Variants in DCC observed in about 807,000 individuals in gnomAD.
DCC encodes the protein netrin receptor DCC.
Under a neutral mutation model 172.5 loss-of-function variants are expected in DCC, and 58 were observed. The observed-to-expected ratio is 0.34, with a 90% confidence interval of 0.27 to 0.42. DCC has a LOEUF of 0.42. Among genes scored for constraint, DCC ranks in the 10% least tolerant of loss-of-function variants. The pLI, the probability that DCC is intolerant of heterozygous loss-of-function variation, is 1.00. For missense variants in DCC, 1,740 were observed against 1,791.0 expected (o/e 0.97, Z 0.51); for synonymous variants, 709 against 644.5 (o/e 1.10, Z -1.52).
intron 27 of DCC, among the ~76,000 whole-genome samples, chr18:53,509,795 A>ATGTC (rs200178948): frequency 0.014 from 2,062 of 152,292 alleles, 37 homozygotes; most frequent in Non-Finnish European, 0.021. Context: ...ACATAAACCA[A>ATGTC]TGTCTGTTTT....
intron 5 of DCC, among the ~76,000 whole-genome samples, chr18:53,050,088 G>A (rs982444675): frequency 6.6e-6 from 1 of 152,082 alleles, no homozygotes; most frequent in African/African-American, 2.4e-5. Flanking sequence ...TCAAGGGCAG[G>A]AAGCATCCAG....
chr18:52,748,514 G>T (rs4452042), intron 1 of DCC, among the ~76,000 whole-genome samples: 107,268 of 152,054 alleles, frequency 0.71, 40,435 homozygotes, highest in East Asian at 0.89. Flanking sequence ...CGGCTCCTTT[G>T]TGTTACAGCT....
At chr18:52,523,727 A>T (rs1219221330) in intron 1 of DCC, among the ~76,000 whole-genome samples, 1 of 152,234 alleles carries the variant, frequency 6.6e-6, no homozygotes, top group African/African-American at 2.4e-5. Flanking sequence ...ATGCATTAAC[A>T]TATGTTCATG....
chr18:53,179,393 C>T (rs550164189), intron 9 of DCC, among the ~76,000 whole-genome samples: 1 of 152,294 alleles, frequency 6.6e-6, no homozygotes, highest in East Asian at 1.9e-4. Flanking sequence ...GTGATTTACT[C>T]TTCCTGACAG....
chr18:52,847,003 G>A (rs1005684379), intron 2 of DCC, among the ~76,000 whole-genome samples: 1 of 152,102 alleles, frequency 6.6e-6, no homozygotes, highest in African/African-American at 2.4e-5. Context: ...TTATGTTGTG[G>A]AGTCCTGACC....
chr18:52,486,943 C>T (rs897744302), intron 1 of DCC, among the ~76,000 whole-genome samples: 5 of 152,032 alleles, frequency 3.3e-5, no homozygotes, highest in Non-Finnish European at 7.4e-5. Context: ...CTGTAGGGAA[C>T]AAGAAAAACT....
At chr18:53,479,369 T>C (rs1335291997) in intron 25 of DCC, among the ~76,000 whole-genome samples, 1 of 152,214 alleles carries the variant, frequency 6.6e-6, no homozygotes, top group Non-Finnish European at 1.5e-5. Context: ...TTATGCATTA[T>C]GCAATGTTTT....
intron 9 of DCC, among the ~76,000 whole-genome samples, chr18:53,201,498 A>G (rs533809926): frequency 6.6e-6 from 1 of 152,310 alleles, no homozygotes; most frequent in South Asian, 2.1e-4. Flanking sequence ...TAGAGGAATA[A>G]TAGGTTCAGA....
chr18:53,228,202 A>C (rs190278567), intron 12 of DCC, among the ~76,000 whole-genome samples: 1 of 152,270 alleles, frequency 6.6e-6, no homozygotes, highest in East Asian at 1.9e-4. Flanking sequence ...CAATACAGAT[A>C]ATTCCCTTGA....
At chr18:53,502,840 C>CTT (rs57011876) in intron 27 of DCC, among the ~76,000 whole-genome samples, 5 of 148,828 alleles carry the variant, frequency 3.4e-5, no homozygotes, top group African/African-American at 1.2e-4. Flanking sequence ...TGTGAATTTG[C>CTT]TTTTTTTTTT....
At chr18:53,267,640 A>AT (rs1455067809) in intron 12 of DCC, among the ~76,000 whole-genome samples, 8 of 152,024 alleles carry the variant, frequency 5.3e-5, no homozygotes, top group African/African-American at 1.9e-4. Context: ...TTTTAGTTTT[A>AT]TTTTTTGTAC....
intron 26 of DCC, among the ~76,000 whole-genome samples, chr18:53,495,203 C>T (rs1568167565): frequency 1.3e-5 from 2 of 151,970 alleles, no homozygotes; most frequent in African/African-American, 4.8e-5. Flanking sequence ...ACCAGCCTGA[C>T]CAAGATGGTG....
At chr18:52,548,925 A>C (rs1027854001) in intron 1 of DCC, among the ~76,000 whole-genome samples, 1 of 152,156 alleles carries the variant, frequency 6.6e-6, no homozygotes. Flanking sequence ...TTTGTGAAAC[A>C]TTCTTCACAG....
At chr18:52,609,646 G>A (rs182267349) in intron 1 of DCC, among the ~76,000 whole-genome samples, 2 of 151,768 alleles carry the variant, frequency 1.3e-5, no homozygotes, top group Non-Finnish European at 2.9e-5. Context: ...ATTACCTCCA[G>A]CACAACTTTG....
intron 24 of DCC, among the ~76,000 whole-genome samples, chr18:53,461,041 A>G (rs1428310277): frequency 2.6e-5 from 4 of 152,132 alleles, no homozygotes; most frequent in Admixed American, 1.3e-4. Flanking sequence ...GTGATGGTGA[A>G]CATTTTTTCA....
intron 7 of DCC, among the ~76,000 whole-genome samples, chr18:53,067,508 C>A (rs2042590330): frequency 6.6e-6 from 1 of 152,046 alleles, no homozygotes; most frequent in South Asian, 2.1e-4. Context: ...GGCAACAGAG[C>A]AAGACTCTGT....
intron 7 of DCC, among the ~76,000 whole-genome samples, chr18:53,111,985 G>A (rs1036157573): frequency 5.3e-5 from 8 of 151,496 alleles, no homozygotes; most frequent in African/African-American, 1.9e-4. Flanking sequence ...CCATTTCATC[G>A]TGGCCTGAAT....
chr18:52,461,968 TG>T (rs1988644173), intron 1 of DCC, among the ~76,000 whole-genome samples: 1 of 152,190 alleles, frequency 6.6e-6, no homozygotes. Flanking sequence ...TTCTCTGAGT[TG>T]GAGGAAACTC....
rs1245298209 is a variant in DCC, at chr18:53,435,333, G to T, written c.3229+124G>T. The T allele has an allele frequency of 4.6e-6, 3 of 654,438 alleles. No individual in the cohort carries two copies. The East Asian group carries it at 8.3e-5, about 18-fold the overall frequency. The allele number at this position is 654,438 out of a possible 1,614,324, so 40.5% of individuals were successfully genotyped here. A position where few individuals can be genotyped will look rare whatever the true frequency, so the allele number is the denominator to read the frequency against. ...GAACCTTGGATTTAGTGTCTTAGTG[G>T]GATAATAGAAACATGAAGTTATTAA... On this transcript the variant is annotated intron_variant, in intron 22 of 28. Coordinates refer to ENST00000442544, the MANE Select transcript of DCC (RefSeq NM_005215.4).
Sources: allele counts gnomAD v4.1 joint callset (sites outside exome capture counted in the v4.1 genomes callset), GRCh38; gene constraint gnomAD v4.1.1; transcripts MANE v1.5; gene names NCBI Gene and HGNC (gene_info 2026-07-23, HGNC 2026-07-21).